Variants in UHRF2 observed in about 807,000 individuals in gnomAD.
UHRF2 encodes ubiquitin like with PHD and ring finger domains 2.
Under a neutral mutation model 96.8 loss-of-function variants are expected in UHRF2, and 23 were observed. That is an observed-to-expected ratio of 0.24 (90% CI 0.17 to 0.34). The LOEUF is 0.34. Among genes scored for constraint, UHRF2 ranks in the 10% least tolerant of loss-of-function variants. The pLI is 1.00. For missense variants in UHRF2, 685 were observed against 981.5 expected (o/e 0.70, Z 4.04); for synonymous variants, 385 against 332.6 (o/e 1.16, Z -1.72).
chr9:6,426,037 A>G (rs1007655572), intron 2 of UHRF2, among the ~76,000 whole-genome samples: 6 of 152,206 alleles, frequency 3.9e-5, no homozygotes, highest in Admixed American at 1.3e-4. Flanking sequence ...AAGGAGGGCC[A>G]GTTTATGTAT....
intron 5 of UHRF2, among the ~76,000 whole-genome samples, chr9:6,475,702 T>C (rs1191774243): frequency 6.6e-6 from 1 of 152,230 alleles, no homozygotes; most frequent in Non-Finnish European, 1.5e-5. Context: ...TGAAGAAATA[T>C]ATTATCTTGG....
intron 12 of UHRF2, 139 bp downstream of exon 12, chr9:6,498,297 G>A: frequency 1.1e-6 from 1 of 920,072 alleles, no homozygotes; most frequent in Non-Finnish European, 1.5e-6. Context: ...CATGCAAATA[G>A]ACAGAGGAAA....
At chr9:6,481,529 T>G in intron 6 of UHRF2, 114 bp from the exon 7 acceptor site, 2 of 1,246,244 alleles carry the variant, frequency 1.6e-6, no homozygotes, top group Non-Finnish European at 2.2e-6. Flanking sequence ...AGCTCTGTAA[T>G]GTATACCAAA....
intron 2 of UHRF2, among the ~76,000 whole-genome samples, chr9:6,424,504 C>A (rs1029529042): frequency 1.3e-5 from 2 of 152,098 alleles, no homozygotes; most frequent in African/African-American, 4.8e-5. Flanking sequence ...ATTTGTGTTA[C>A]CACCTCCATC....
chr9:6,478,928 T>C (rs1823756270), intron 6 of UHRF2, among the ~76,000 whole-genome samples: 1 of 152,170 alleles, frequency 6.6e-6, no homozygotes, highest in African/African-American at 2.4e-5. Flanking sequence ...ATATTTTCCT[T>C]CTTTCTTGTT....
At chr9:6,505,224 C>G (rs969158338) in intron 15 of UHRF2, among the ~76,000 whole-genome samples, 39 of 152,082 alleles carry the variant, frequency 2.6e-4, no homozygotes, top group African/African-American at 8.0e-4. Context: ...GAGTTTGTGC[C>G]TGATCTTGAG....
intron 6 of UHRF2, among the ~76,000 whole-genome samples, chr9:6,479,730 T>C (rs1439612351): frequency 6.6e-6 from 1 of 152,220 alleles, no homozygotes. Context: ...CTTCATTAAA[T>C]AGTACTAATC....
intron 4 of UHRF2, among the ~76,000 whole-genome samples, chr9:6,461,600 G>A (rs1822547773): frequency 6.6e-6 from 1 of 151,530 alleles, no homozygotes; most frequent in South Asian, 2.1e-4. Context: ...CTCGACTCCT[G>A]CCCTCAAGTG....
chr9:6,436,765 C>T (rs746066035), intron 3 of UHRF2, among the ~76,000 whole-genome samples: 1 of 152,100 alleles, frequency 6.6e-6, no homozygotes, highest in Non-Finnish European at 1.5e-5. Context: ...ATATATTTGG[C>T]AACTTTTTTT....
rs1816479357 is a variant in UHRF2, at chr9:6,504,470, C to G, written c.2164-123C>G. Reference sequence around the variant, plus strand: ...TTGGAATGTTCATCACTATAAACATCTTTTATGCTGGGAACATTTGAATTA... The same window carrying G: ...TTGGAATGTTCATCACTATAAACATGTTTTATGCTGGGAACATTTGAATTA... On this transcript the variant is annotated intron_variant, in intron 14 of 15. Transcript: ENST00000276893. 3 of 612,568 alleles carry G rather than the reference C, an allele frequency of 4.9e-6. No individual in the cohort carries two copies. The African/African-American group carries it at 5.6e-5, about 11-fold the overall frequency. The allele number at this position is 612,568 out of a possible 1,614,324, so 37.9% of individuals were successfully genotyped here. A position where few individuals can be genotyped will look rare whatever the true frequency, so the allele number is the denominator to read the frequency against.
At position 6,434,176 on chromosome 9, in the gene UHRF2, A is replaced by G; in HGVS notation, c.644+3A>G. 6.2e-7 allele frequency: 1 copy of G among 1,608,548 alleles called. No homozygotes were observed. The highest frequency in any genetic ancestry group is 8.5e-7 in the Non-Finnish European group (1 of 1,176,190). ...ATTTACCATATCCAGTATGATGAGT[A>G]AGTGCTCAAGCTATTGAGGACTTTA... is the stretch of plus-strand genomic sequence containing the variant. On this transcript the variant is annotated splice_donor_region_variant and intron_variant, in intron 3 of 15. Transcript: ENST00000276893.
At chr9:6,491,929 C>A (rs191612526) in intron 9 of UHRF2, among the ~76,000 whole-genome samples, 1 of 152,164 alleles carries the variant, frequency 6.6e-6, no homozygotes, top group African/African-American at 2.4e-5. Flanking sequence ...GACAAGGTCT[C>A]GCTATGTCAC....
chr9:6,473,726 ACTT>A (rs1211951246), intron 4 of UHRF2, among the ~76,000 whole-genome samples: 1 of 152,186 alleles, frequency 6.6e-6, no homozygotes, highest in African/African-American at 2.4e-5. Flanking sequence ...TGTCACAACT[ACTT>A]AACTCCCCTG....
chr9:6,442,067 C>T (rs746552088), intron 3 of UHRF2, among the ~76,000 whole-genome samples: 6 of 152,080 alleles, frequency 3.9e-5, no homozygotes, highest in Non-Finnish European at 7.4e-5. Context: ...CTGGGTTCAA[C>T]AATTCTCATG....
intron 7 of UHRF2, 65 bp from the exon 8 acceptor site, chr9:6,481,927 G>T (rs1254885672): frequency 1.9e-6 from 3 of 1,580,574 alleles, no homozygotes; most frequent in African/African-American, 1.4e-5. Context: ...TCACATCTCA[G>T]AATTAAGGGC....
chr9:6,442,763 G>C (rs1821251870), intron 3 of UHRF2, among the ~76,000 whole-genome samples: 1 of 151,866 alleles, frequency 6.6e-6, no homozygotes, highest in Non-Finnish European at 1.5e-5. Flanking sequence ...AGTCCTGGAA[G>C]TACAGGCCTG....
At chr9:6,422,562 G>C in intron 2 of UHRF2, 1 of 498,448 alleles carries the variant, frequency 2.0e-6, no homozygotes, top group South Asian at 3.6e-5. Flanking sequence ...TTACAATGTT[G>C]AGTCTTTTAA....
intron 4 of UHRF2, among the ~76,000 whole-genome samples, chr9:6,474,272 A>T (rs1461240001): frequency 6.6e-6 from 1 of 152,218 alleles, no homozygotes; most frequent in Non-Finnish European, 1.5e-5. Context: ...GAAAAGGTGG[A>T]AGGATGGAAA....
chr9:6,503,591 C>A (rs1037348366), intron 14 of UHRF2, among the ~76,000 whole-genome samples: 4 of 151,488 alleles, frequency 2.6e-5, no homozygotes, highest in African/African-American at 7.3e-5. Flanking sequence ...ACAGAATAAT[C>A]CTAGGAAAAT....
Sources: allele counts gnomAD v4.1 joint callset (sites outside exome capture counted in the v4.1 genomes callset), GRCh38; gene constraint gnomAD v4.1.1; transcripts MANE v1.5; gene names NCBI Gene and HGNC (gene_info 2026-07-23, HGNC 2026-07-21).